The following MYH13 variants were observed in gnomAD, a reference collection of about 807,000 sequenced individuals.
The protein encoded by MYH13 is myosin-13.
In MYH13, 177 loss-of-function variants were observed where a neutral mutation model predicts 232.1. That is an observed-to-expected ratio of 0.76 (90% CI 0.67 to 0.86). MYH13 has a LOEUF of 0.86. MYH13 is among the 40% of genes least tolerant of loss of function. MYH13 has a pLI of 0.00. For synonymous variants in MYH13, 884 were observed against 923.5 expected (o/e 0.96, Z 0.78); for missense variants, 2,246 against 2,405.9 (o/e 0.93, Z 1.39).
intron 2 of MYH13, among the ~76,000 whole-genome samples, chr17:10,366,229 T>G (rs1361956662): frequency 1.3e-5 from 2 of 151,978 alleles, no homozygotes; most frequent in Non-Finnish European, 2.9e-5. Flanking sequence ...CTCCACTACC[T>G]ATTTTCCTCA....
chr17:10,333,054 A>T lies in MYH13; in HGVS notation c.2174+20T>A. Reference sequence around the variant, plus strand: ...GGTGCCCTCGGAAGGAGAGAGATGCACAGGAGAGAGGGAACCTACCGCTGC... The same window carrying T: ...GGTGCCCTCGGAAGGAGAGAGATGCTCAGGAGAGAGGGAACCTACCGCTGC... On this transcript the variant is annotated intron_variant, in intron 19 of 40. Coordinates refer to ENST00000252172, the MANE Select transcript of MYH13 (RefSeq NM_003802.3). 6.6e-7 allele frequency: 1 copy of T among 1,510,040 alleles called. No homozygotes were observed. The highest frequency in any genetic ancestry group is 9.0e-7 in the Non-Finnish European group (1 of 1,108,808). The allele number at this position is 1,510,040 out of a possible 1,614,324, so 93.5% of individuals were successfully genotyped here.
At chr17:10,305,348 GA>G (rs1323925377) in intron 37 of MYH13, among the ~76,000 whole-genome samples, 2 of 152,192 alleles carry the variant, frequency 1.3e-5, no homozygotes, top group South Asian at 4.1e-4. Flanking sequence ...TAGGACTGGG[GA>G]TAATTGAAAA....
intron 18 of MYH13, among the ~76,000 whole-genome samples, chr17:10,337,851 G>A (rs922844531): frequency 2.0e-5 from 3 of 152,128 alleles, no homozygotes; most frequent in African/African-American, 4.8e-5. Flanking sequence ...TCAGGAGATC[G>A]AGACCATCCT....
At chr17:10,345,092 C>T in intron 15 of MYH13, 110 bp downstream of exon 15, 2 of 1,561,208 alleles carry the variant, frequency 1.3e-6, no homozygotes, top group South Asian at 2.3e-5. Flanking sequence ...TATCTGAAGG[C>T]TTGCAGCCTG....
intron 26 of MYH13, 116 bp from the exon 27 acceptor site, chr17:10,319,295 G>A: frequency 7.8e-7 from 1 of 1,286,744 alleles, no homozygotes. Flanking sequence ...GGTCATTTGA[G>A]GTCAGGAGTT....
chr17:10,339,084 TC>T (rs1385893586), intron 18 of MYH13, among the ~76,000 whole-genome samples: 4 of 151,686 alleles, frequency 2.6e-5, no homozygotes, highest in Non-Finnish European at 4.4e-5. Context: ...GGTGAACTTT[TC>T]CCCCCCAACC....
intron 12 of MYH13, 45 bp from the exon 13 acceptor site, chr17:10,346,843 C>T: frequency 7.1e-7 from 1 of 1,417,036 alleles, no homozygotes; most frequent in Non-Finnish European, 9.9e-7. Context: ...ACAGTAGCTG[C>T]TAAAGTGTCC....
Position 10,316,171 on chromosome 17 carries a change from T to C in MYH13, c.3739-146A>G, listed in dbSNP as rs1906704413. The C allele has an allele frequency of 2.7e-6, 3 of 1,131,896 alleles. No homozygotes were observed. In the Admixed American group the frequency reaches 7.9e-5, roughly 30 times the overall value. 70.1% of individuals were successfully genotyped at this position (1,131,896 alleles called of 1,614,324 possible). On this transcript the variant is annotated intron_variant, in intron 27 of 40. Transcript: ENST00000252172. ...AAAAAAAAGTTCAGTTTCAAAAAAA[T>C]CATAATCGGCCAGGCGCAGTGGCTC...
intron 18 of MYH13, among the ~76,000 whole-genome samples, chr17:10,338,012 C>G (rs889025904): frequency 6.6e-6 from 1 of 152,092 alleles, no homozygotes; most frequent in South Asian, 2.1e-4. Flanking sequence ...GAGATCGTGC[C>G]ACTACACTCC....
intron 8 of MYH13, among the ~76,000 whole-genome samples, chr17:10,355,459 T>TA (rs2071741891): frequency 6.6e-6 from 1 of 152,180 alleles, no homozygotes; most frequent in African/African-American, 2.4e-5. Context: ...ATAAACTCAA[T>TA]AATTCTGTCC....
Position 10,362,247 on chromosome 17 carries a change from C to T in MYH13, c.376G>A (p.Val126Ile), listed in dbSNP as rs373255762. 6.2e-5 allele frequency: 100 copies of T among 1,613,456 alleles called. No individual in the cohort carries two copies. The highest frequency in any genetic ancestry group is 1.6e-4 in the Middle Eastern group (1 of 6,078). The change falls in exon 5 of 41, where the codon GTC (valine) becomes ATC (isoleucine). Residue 126 changes from valine to isoleucine, a missense_variant. Coordinates refer to ENST00000252172, the MANE Select transcript of MYH13 (RefSeq NM_003802.3). ...YTYSGLFCVT[V>I]NPYKWLPVYK... ...ACCGGCAGCCACTTGTAGGGGTTGA[C>T]GGTGACACAGAAGAGGCCTGAGTAG...
intron 20 of MYH13, 71 bp from the exon 21 acceptor site, chr17:10,330,594 T>C (rs1305904955): frequency 2.0e-6 from 3 of 1,534,398 alleles, no homozygotes; most frequent in Non-Finnish European, 2.6e-6. Context: ...TGAGGGGGCC[T>C]GTTTCTGCTC....
Position 10,309,797 on chromosome 17 carries a change from G to T in MYH13, c.4690C>A (p.Arg1564Ser). ...SLEHEESKIL[R>S]VQLELSQVKS... is the part of the protein sequence containing the mutation. Reference sequence around the variant, plus strand: ...ACCTGGCTCAGCTCTAGCTGCACGCGCAAGATCTTGCTCTCCTCGTGTTCC... The same window carrying T: ...ACCTGGCTCAGCTCTAGCTGCACGCTCAAGATCTTGCTCTCCTCGTGTTCC... The change falls in exon 34 of 41, where the codon CGC becomes AGC. Residue 1564 changes from arginine (R) to serine (S), a missense_variant. Physicochemically the swap from Arg to Ser is moderately radical, Grantham distance 110. Coordinates refer to ENST00000252172, the MANE Select transcript of MYH13 (RefSeq NM_003802.3). The T allele has an allele frequency of 1.3e-6, 2 of 1,593,084 alleles. No homozygotes were observed. The highest frequency in any genetic ancestry group is 3.3e-4 in the Middle Eastern group (2 of 6,042).
intron 33 of MYH13, among the ~76,000 whole-genome samples, chr17:10,310,753 C>T (rs1377833139): frequency 2.0e-5 from 3 of 152,278 alleles, no homozygotes; most frequent in Middle Eastern, 3.4e-3. Flanking sequence ...TTGGATTATA[C>T]AGGATTCTTG....
Position 10,320,176 on chromosome 17 carries a change from G to A in MYH13, c.3325C>T (p.Gln1109Ter). Reference protein sequence around the residue: ...DDEQVHSLQFQKKIKELQARI... With the variant: ...DDEQVHSLQF ...ACTTGCAGTTCTTTAATCTTCTTTT[G>A]AAACTGCAAACTGTGGACTTGTTCG... Residue 1109 changes from glutamine (Q) to a stop codon, truncating the protein, a stop_gained, in exon 26 of 41, where the codon CAA becomes TAA. Transcript: ENST00000252172. LOFTEE classifies it high-confidence loss of function. 1 of 1,596,338 alleles carries A rather than the reference G, an allele frequency of 6.3e-7. No individual in the cohort carries two copies. The highest frequency in any genetic ancestry group is 1.1e-5 in the South Asian group (1 of 88,274).
intron 12 of MYH13, among the ~76,000 whole-genome samples, chr17:10,347,400 G>A (rs1463336780): frequency 6.6e-6 from 1 of 152,064 alleles, no homozygotes; most frequent in Non-Finnish European, 1.5e-5. Flanking sequence ...AGTTATGTTG[G>A]AGTCTGACAA....
intron 20 of MYH13, 56 bp downstream of exon 20, chr17:10,332,043 G>C (rs8064714): frequency 0.81 from 1,288,932 of 1,594,460 alleles, 523,007 homozygotes; most frequent in East Asian, 0.95. Flanking sequence ...GATCAGCTAA[G>C]AAGCAGCCCA....
chr17:10,307,090 G>A, intron 35 of MYH13, 26 bp from the exon 36 acceptor site: 13 of 1,612,140 alleles, frequency 8.1e-6, no homozygotes, highest in Non-Finnish European at 1.1e-5. Context: ...GATATCAGGG[G>A]TGTGGGTTCT....
chr17:10,348,509 G>T (rs1337819224), intron 12 of MYH13, among the ~76,000 whole-genome samples: 1 of 152,214 alleles, frequency 6.6e-6, no homozygotes, highest in African/African-American at 2.4e-5. Flanking sequence ...GCAAATATTA[G>T]CTTGGGTTGG....
Sources: gnomAD v4.1 joint callset for allele counts (sites outside exome capture counted in the v4.1 genomes callset) on GRCh38, gnomAD v4.1.1 for gene constraint, MANE v1.5 for transcripts, NCBI Gene and HGNC (gene_info 2026-07-23, HGNC 2026-07-21) for gene names.